ZNF469: variants seen among roughly 807,000 people sequenced by gnomAD.
ZNF469 encodes zinc finger protein 469.
ZNF469 carries 1 observed loss-of-function variant against 1.0 expected under a neutral mutation model. That is an observed-to-expected ratio of 1.00 (90% CI 0.35 to 4.73). The LOEUF (loss-of-function observed/expected upper bound fraction) is 4.73. Ranked by LOEUF, ZNF469 falls within the 30% of genes most tolerant of loss-of-function variation. ZNF469 has a pLI of 0.16. For missense variants in ZNF469, 6,100 were observed against 5,356.3 expected, an observed-to-expected ratio of 1.14 and a Z score of -4.33; for synonymous variants, 2,703 against 2,363.4, an observed-to-expected ratio of 1.14 and a Z score of -4.17.
At chr16:88,321,367 A>G in the ZNF469 span, among the ~76,000 whole-genome samples, 1 of 152,242 alleles carries the variant, frequency 6.6e-6, no homozygotes, top group Non-Finnish European at 1.5e-5. Context: ...CAGTCTTCAA[A>G]TTCTGCATGT....
the ZNF469 span, among the ~76,000 whole-genome samples, chr16:88,215,323 A>G: frequency 6.8e-6 from 1 of 146,706 alleles, no homozygotes; most frequent in East Asian, 2.0e-4. Context: ...ATTTCTATCT[A>G]CCATGCTTTC....
At chr16:88,390,214 A>C (rs1035261114) in intron 1 of ZNF469, among the ~76,000 whole-genome samples, 1 of 152,156 alleles carries the variant, frequency 6.6e-6, no homozygotes, top group Non-Finnish European at 1.5e-5. Context: ...GGTTCAGCTC[A>C]GGCCTGTCTC....
chr16:88,351,062 G>T, the ZNF469 span, among the ~76,000 whole-genome samples: 1 of 152,246 alleles, frequency 6.6e-6, no homozygotes, highest in Non-Finnish European at 1.5e-5. Context: ...TGTGACCCTG[G>T]ACACCTGCTG....
At chr16:88,325,645 A>G in the ZNF469 span, among the ~76,000 whole-genome samples, 1 of 152,232 alleles carries the variant, frequency 6.6e-6, no homozygotes, top group African/African-American at 2.4e-5. Flanking sequence ...TCCTGGTCCC[A>G]TCCCTCATGC....
chr16:88,313,215 T>C, the ZNF469 span, among the ~76,000 whole-genome samples: 1 of 152,210 alleles, frequency 6.6e-6, no homozygotes, highest in Non-Finnish European at 1.5e-5. Flanking sequence ...ATTTGATCTC[T>C]CATTATATTT....
the ZNF469 span, among the ~76,000 whole-genome samples, chr16:88,356,732 G>A: frequency 6.6e-6 from 1 of 152,184 alleles, no homozygotes; most frequent in Non-Finnish European, 1.5e-5. Context: ...TGACCTTGAC[G>A]CAGCCCCATG....
Position 88,427,394 on chromosome 16 carries a change from T to G in ZNF469, c.-77T>G. 7.2e-7 allele frequency: 1 copy of G among 1,387,568 alleles called. No individual in the cohort carries two copies. The highest frequency in any genetic ancestry group is 9.5e-7 in the Non-Finnish European group (1 of 1,058,018). 86.0% of individuals were successfully genotyped at this position (1,387,568 alleles called of 1,614,324 possible). ...GGCTTCCCTGGGGCCCATCGAGGGC[T>G]GAGGATGGCCGTCCAGCCCACTCCC... On this transcript the variant is annotated 5_prime_UTR_variant, in exon 3 of 3. Coordinates refer to ENST00000565624, the MANE Select transcript of ZNF469 (RefSeq NM_001367624.2).
At chr16:88,371,254 A>G in the ZNF469 span, among the ~76,000 whole-genome samples, 1 of 152,270 alleles carries the variant, frequency 6.6e-6, no homozygotes. Context: ...AAGAGGAGTT[A>G]GTCAATACTA....
the ZNF469 span, among the ~76,000 whole-genome samples, chr16:88,345,400 C>T: frequency 6.6e-6 from 1 of 152,190 alleles, no homozygotes; most frequent in Non-Finnish European, 1.5e-5. Flanking sequence ...TAAATGTAAG[C>T]AGCTCCGTGT....
chr16:88,334,641 G>T, the ZNF469 span, among the ~76,000 whole-genome samples: 2 of 152,210 alleles, frequency 1.3e-5, no homozygotes, highest in African/African-American at 4.8e-5. Context: ...GATGACTGTG[G>T]CCTTATTTCA....
chr16:88,397,289 G>C (rs2142270303), intron 1 of ZNF469, among the ~76,000 whole-genome samples: 1 of 152,364 alleles, frequency 6.6e-6, no homozygotes, highest in Admixed American at 6.5e-5. Context: ...GTGGTGCCCT[G>C]GCTTGTGAGA....
the ZNF469 span, among the ~76,000 whole-genome samples, chr16:88,317,814 C>G: frequency 6.6e-6 from 1 of 152,240 alleles, no homozygotes; most frequent in Non-Finnish European, 1.5e-5. Flanking sequence ...CAAATCCCAT[C>G]TGGTTCTGTT....
chr16:88,254,324 G>A, the ZNF469 span, among the ~76,000 whole-genome samples: 2 of 151,902 alleles, frequency 1.3e-5, no homozygotes, highest in Admixed American at 6.6e-5. Context: ...GTATATATGG[G>A]GTCTATGTCT....
chr16:88,344,308 C>T, the ZNF469 span, among the ~76,000 whole-genome samples: 7 of 152,102 alleles, frequency 4.6e-5, no homozygotes, highest in Admixed American at 3.9e-4. Flanking sequence ...ACCAACGTGT[C>T]GATGCTGGTT....
At chr16:88,372,909 ACAT>A in the ZNF469 span, among the ~76,000 whole-genome samples, 6 of 146,920 alleles carry the variant, frequency 4.1e-5, no homozygotes, top group Non-Finnish European at 9.0e-5. Flanking sequence ...ATCATTACCA[ACAT>A]CATCATGATC....
the ZNF469 span, among the ~76,000 whole-genome samples, chr16:88,337,638 C>T: frequency 6.6e-6 from 1 of 152,206 alleles, no homozygotes; most frequent in East Asian, 1.9e-4. Context: ...ATTTGCAAGG[C>T]ACGAGGACTC....
upstream of ZNF469, among the ~76,000 whole-genome samples, chr16:88,381,026 G>T: frequency 1.7e-5 from 2 of 114,966 alleles, no homozygotes; most frequent in Middle Eastern, 7.1e-3. Flanking sequence ...TCACAGACAT[G>T]CACTCACACA....
In ZNF469 at chr16:88,428,681, G is replaced by A. The variant is rs1191598750; in HGVS notation, c.1211G>A (p.Arg404Lys). 3.2e-6 allele frequency: 5 copies of A among 1,549,810 alleles called. No homozygotes were observed. The highest frequency in any genetic ancestry group is 2.4e-5 in the South Asian group (2 of 84,064). Reference sequence around the variant, plus strand: ...GGGCCCCCTAGCTCCCTACCCCAGAGGCACTTTCCAGGGCAGGCGTACAGA... The same window carrying A: ...GGGCCCCCTAGCTCCCTACCCCAGAAGCACTTTCCAGGGCAGGCGTACAGA... Reference protein sequence around the residue: ...TRGPPSSLPQRHFPGQAYRAS... With the variant: ...TRGPPSSLPQKHFPGQAYRAS... The change falls in exon 3 of 3, where the codon AGG (arginine) becomes AAG (lysine). Residue 404 changes from arginine to lysine, a missense_variant. By Grantham distance (26) the Arg-to-Lys change is conservative (BLOSUM62 2). Transcript: ENST00000565624.
At chr16:88,419,120 C>G (rs1385523483) in intron 1 of ZNF469, among the ~76,000 whole-genome samples, 3 of 152,240 alleles carry the variant, frequency 2.0e-5, no homozygotes, top group Non-Finnish European at 4.4e-5. Context: ...TGACCTGGGA[C>G]CGGAGGCTGC....
Sources: allele counts gnomAD v4.1 joint callset (sites outside exome capture counted in the v4.1 genomes callset), GRCh38; gene constraint gnomAD v4.1.1; transcripts MANE v1.5; gene names NCBI Gene and HGNC (gene_info 2026-07-23, HGNC 2026-07-21).